LAMA5: variants seen among roughly 807,000 people sequenced by gnomAD.
LAMA5 encodes laminin subunit alpha 5, also known as laminin subunit alpha-5.
Under a neutral mutation model 433.4 loss-of-function variants are expected in LAMA5, and 260 were observed. That is an observed-to-expected ratio of 0.60 (90% CI 0.54 to 0.66). The LOEUF (loss-of-function observed/expected upper bound fraction) is 0.66, where lower values mean the gene tolerates loss of function less well. LAMA5 is among the 30% of genes least tolerant of loss of function. The probability of loss-of-function intolerance (pLI) is 0.00; values close to 1 mark genes in which losing one functional copy is unlikely to be tolerated. For synonymous variants in LAMA5, 2,620 were observed against 2,226.6 expected (o/e 1.18, Z -4.97); for missense variants, 5,378 against 5,258.5 (o/e 1.02, Z -0.70).
In LAMA5 at chr20:62,324,668, C is replaced by G. The variant is rs535526304; in HGVS notation, c.5530-114G>C. The G allele has an allele frequency of 1.1e-5, 8 of 708,546 alleles. No homozygotes were observed. In the South Asian group the frequency reaches 1.2e-4, roughly 10 times the overall value. The allele number at this position is 708,546 out of a possible 1,614,324, so 43.9% of individuals were successfully genotyped here. ...CTGCAGGCACGAGGCACTGGGAACC[C>G]GTGGAGCATGGTCACCGCTGGGTCA... On this transcript the variant is annotated intron_variant, in intron 41 of 79. Transcript: ENST00000252999. This position sits in a 1 kb window ranked among gnomAD's most constrained non-coding sequence, Gnocchi z 4.4.
intron 44 of LAMA5, 32 bp from the exon 45 acceptor site, chr20:62,323,702 GC>G (rs1221318077): frequency 6.3e-7 from 1 of 1,592,492 alleles, no homozygotes; most frequent in South Asian, 1.1e-5. Context: ...GCCGTCAGTG[GC>G]CCGTGGCGCC....
In LAMA5 at chr20:62,337,759, G is replaced by A. The variant is rs758878481; in HGVS notation, c.2027-32C>T. ...ACAAGGATAGCTGTGGGCACGCAGTGGAGACTGCACCTGCCTCCCCACCAC... is the reference window on the plus strand; with the variant it reads ...ACAAGGATAGCTGTGGGCACGCAGTAGAGACTGCACCTGCCTCCCCACCAC... On this transcript the variant is annotated intron_variant, in intron 15 of 79. Transcript: ENST00000252999. The A allele has an allele frequency of 1.2e-5, 20 of 1,608,242 alleles. No homozygotes were observed. The Middle Eastern group carries it at 8.3e-4, about 67-fold the overall frequency.
intron 60 of LAMA5, 33 bp downstream of exon 60, chr20:62,314,766 T>G (rs1210049519): frequency 6.2e-7 from 1 of 1,612,738 alleles, no homozygotes; most frequent in East Asian, 2.2e-5. Flanking sequence ...CCACCCTCCC[T>G]GATGTCCACC....
At chr20:62,327,491 T>TC in intron 37 of LAMA5, 38 bp downstream of exon 37, 1 of 1,610,968 alleles carries the variant, frequency 6.2e-7, no homozygotes, top group South Asian at 1.1e-5. Flanking sequence ...ACCTAAGACC[T>TC]CCCCGAGAAG....
At chr20:62,322,505 C>T in intron 46 of LAMA5, 56 bp from the exon 47 acceptor site, 1 of 1,523,718 alleles carries the variant, frequency 6.6e-7, no homozygotes, top group Non-Finnish European at 8.8e-7. Context: ...CCCAGACCAA[C>T]CTGGAAGCCA....
chr20:62,334,094 C>T lies in LAMA5; in HGVS notation c.2740-55G>A, dbSNP rs1327028224. 3.1e-6 allele frequency: 5 copies of T among 1,591,308 alleles called. No individual in the cohort carries two copies. The Admixed American group carries it at 8.4e-5, about 27-fold the overall frequency. ...TCCCTGACCACTGCCAGCCTGAGGC[C>T]TGGGCCTTCAAGGGGCCTGCCCACC... is the stretch of plus-strand genomic sequence containing the variant. On this transcript the variant is annotated intron_variant, in intron 22 of 79. Transcript: ENST00000252999.
chr20:62,324,951 C>G lies in LAMA5; in HGVS notation c.5529+365G>C, dbSNP rs1978989893. The stretch of plus-strand genomic sequence containing the variant: ...ACAGATTAGCAGGGCAGATTAGCAG[C>G]TGGACAGACACACAGTGGGCGAGGG... On this transcript the variant is annotated intron_variant, in intron 41 of 79. Transcript: ENST00000252999. The surrounding 1 kb of genome is among the most constrained non-coding windows in gnomAD (Gnocchi z 4.4). 5.1e-6 allele frequency: 2 copies of G among 388,392 alleles called. No individual in the cohort carries two copies. The highest frequency in any genetic ancestry group is 8.3e-5 in the Admixed American group (2 of 23,954). 24.1% of individuals were successfully genotyped at this position (388,392 alleles called of 1,614,324 possible). A position where few individuals can be genotyped will look rare whatever the true frequency, so the allele number is the denominator to read the frequency against.
At chr20:62,317,297 C>T in intron 55 of LAMA5, 48 bp downstream of exon 55, 4 of 1,526,700 alleles carry the variant, frequency 2.6e-6, no homozygotes, top group Non-Finnish European at 3.5e-6. Flanking sequence ...AAGGCCCTGT[C>T]TGCATCCCCA....
chr20:62,345,635 G>C (rs1419629709), intron 11 of LAMA5, 183 bp downstream of exon 11: 1 of 650,902 alleles, frequency 1.5e-6, no homozygotes, highest in East Asian at 2.7e-5. Context: ...TTTTTCTTTG[G>C]CTTTATGCTG....
At chr20:62,358,214 C>T (rs1016744902) in intron 2 of LAMA5, among the ~76,000 whole-genome samples, 3 of 152,302 alleles carry the variant, frequency 2.0e-5, no homozygotes, top group Admixed American at 1.3e-4. Context: ...CCCATCCCCA[C>T]CTTGGCATGG....
At chr20:62,323,749 T>G (rs1978759783) in intron 44 of LAMA5, 27 bp downstream of exon 44, 5 of 1,603,106 alleles carry the variant, frequency 3.1e-6, no homozygotes, top group Non-Finnish European at 4.3e-6. Flanking sequence ...ACTCAGGCCC[T>G]GCCCCACTGC....
In LAMA5 at chr20:62,322,412, C is replaced by T. The variant is rs770577169; in HGVS notation, c.6203G>A (p.Arg2068His). Residue 2068 changes from arginine to histidine, a missense_variant, in exon 47 of 80, where the codon CGC becomes CAC. Physicochemically the swap from Arg to His is conservative, Grantham distance 29. Transcript: ENST00000252999. ...HFGFDGCGGC[R>H]PCACGPAAEG... The stretch of plus-strand genomic sequence containing the variant: ...GGCGGCCGGTCCACAAGCACACGGG[C>T]GGCAGCCCCCGCAGCCATCGAAACC... 54 of 1,592,486 alleles carry T rather than the reference C, an allele frequency of 3.4e-5. No homozygotes were observed. Among genetic ancestry groups the T allele is most frequent in the African/African-American group, 1.6e-4 (12 of 74,542 alleles).
chr20:62,332,462 A>G lies in LAMA5; in HGVS notation c.3462T>C (p.Thr1154=). The change falls in exon 28 of 80, where the codon ACT becomes ACC. Residue 1154 remains threonine (T), a synonymous_variant. Coordinates refer to ENST00000252999, the MANE Select transcript of LAMA5 (RefSeq NM_005560.6). ...PCLYSTLCRG[T]ARDTQDHLAV... is the part of the protein sequence containing the mutation. ...CCAGGTGGTCCTGGGTATCCCGGGC[A>G]GTGCCCCGGCACAGGGTGCTGTGGG... is the stretch of plus-strand genomic sequence containing the variant. 1.9e-6 allele frequency: 3 copies of G among 1,612,552 alleles called. No homozygotes were observed. The highest frequency in any genetic ancestry group is 1.7e-6 in the Non-Finnish European group (2 of 1,179,858).
intron 48 of LAMA5, 147 bp downstream of exon 48, chr20:62,321,872 G>A (rs1231264412): frequency 2.4e-5 from 19 of 778,858 alleles, no homozygotes; most frequent in Admixed American, 1.7e-4. Context: ...CAGCGTGGTT[G>A]GAGTTGGACA....
At chr20:62,365,828 T>C (rs1469570560) in intron 1 of LAMA5, among the ~76,000 whole-genome samples, 3 of 152,066 alleles carry the variant, frequency 2.0e-5, no homozygotes, top group African/African-American at 4.8e-5. Flanking sequence ...AGGACTGTGC[T>C]GGGCTTAAGG....
rs115984837 is a variant in LAMA5 at position 62,316,266 on chromosome 20, C to T, written c.7757-208G>A. On this transcript the variant is annotated intron_variant, in intron 57 of 79. Coordinates refer to ENST00000252999, the MANE Select transcript of LAMA5 (RefSeq NM_005560.6). ...TCCCTGAAGGCCTCTGGTCCCACTG[C>T]AGGCATAGCTGTCCCCATTGTACAG... 345 of 593,844 alleles carry T rather than the reference C, an allele frequency of 5.8e-4. 1 individual carries two copies. The highest frequency in any genetic ancestry group is 5.8e-3 in the African/African-American group (311 of 53,882). 36.8% of individuals were successfully genotyped at this position (593,844 alleles called of 1,614,324 possible). A position where few individuals can be genotyped will look rare whatever the true frequency, so the allele number is the denominator to read the frequency against.
chr20:62,320,318 C>CAAAAAAA (rs60260941), intron 50 of LAMA5, among the ~76,000 whole-genome samples: 2 of 51,276 alleles, frequency 3.9e-5, no homozygotes, highest in African/African-American at 8.2e-5. Context: ...AACTGTGTCT[C>CAAAAAAA]AAAAAAAAAA....
intron 21 of LAMA5, 68 bp downstream of exon 21, chr20:62,334,454 C>T: frequency 1.3e-6 from 2 of 1,514,130 alleles, no homozygotes; most frequent in Middle Eastern, 2.3e-4. Context: ...TGGTGAGGGA[C>T]ACGGAGAGGC....
chr20:62,322,621 C>CCCCA, intron 46 of LAMA5, 37 bp downstream of exon 46: 1 of 1,101,226 alleles, frequency 9.1e-7, no homozygotes, highest in South Asian at 1.3e-5. Flanking sequence ...AGTCCCTAGG[C>CCCCA]CCCACCCACC....
Sources: allele counts gnomAD v4.1 joint callset (sites outside exome capture counted in the v4.1 genomes callset), GRCh38; gene constraint gnomAD v4.1.1; non-coding constraint Gnocchi (gnomAD v3.1); transcripts MANE v1.5; gene names NCBI Gene and HGNC (gene_info 2026-07-23, HGNC 2026-07-21).